Variants in KAT14 observed in about 807,000 individuals in gnomAD.
KAT14 encodes cysteine-rich protein 2-binding protein.
KAT14 carries 66 observed loss-of-function variants against 78.4 expected under a neutral mutation model. The observed-to-expected ratio is 0.84, with a 90% CI of 0.69 to 1.03. The LOEUF is 1.03. Among genes scored for constraint, KAT14 ranks in the 50% least tolerant of loss-of-function variants. KAT14 has a pLI of 0.00. For missense variants in KAT14, 870 were observed against 972.5 expected (o/e 0.89, Z 1.40); for synonymous variants, 344 against 359.4 (o/e 0.96, Z 0.48).
intron 10 of KAT14, among the ~76,000 whole-genome samples, chr20:18,186,497 T>C (rs1343072492): frequency 6.6e-6 from 1 of 152,206 alleles, no homozygotes; most frequent in Admixed American, 6.5e-5. Context: ...AGAGGAGTTC[T>C]TAGAGGCCTG....
chr20:18,184,828 C>T, intron 10 of KAT14, 36 bp downstream of exon 10: 1 of 1,565,112 alleles, frequency 6.4e-7, no homozygotes, highest in Non-Finnish European at 8.6e-7. Flanking sequence ...TCACCTGTGT[C>T]TGGGCTCCCC....
intron 4 of KAT14, among the ~76,000 whole-genome samples, chr20:18,152,970 T>C (rs2038103091): frequency 6.6e-6 from 1 of 152,208 alleles, no homozygotes; most frequent in South Asian, 2.1e-4. Flanking sequence ...CTTTTATTGC[T>C]CTTGGGTACT....
chr20:18,171,752 CAGTT>C (rs1160861058), intron 7 of KAT14, among the ~76,000 whole-genome samples: 5 of 152,150 alleles, frequency 3.3e-5, no homozygotes, highest in Non-Finnish European at 7.3e-5. Context: ...GTGGAGGTCT[CAGTT>C]AGCTGAGATC....
In KAT14 at chr20:18,142,588, G is replaced by A. The variant is rs1237796871; in HGVS notation, c.-73G>A. The A allele has an allele frequency of 2.5e-6, 4 of 1,584,270 alleles. No homozygotes were observed. The highest frequency in any genetic ancestry group is 2.7e-5 in the African/African-American group (2 of 74,392). On this transcript the variant is annotated 5_prime_UTR_variant, in exon 2 of 11. Coordinates refer to ENST00000688188, the MANE Select transcript of KAT14 (RefSeq NM_001392073.1). ...GTCTGTCTGGGTGATCCTGGTAGAA[G>A]CCCCATTAGGGTCACTGTCCAGTGC...
At chr20:18,146,670 A>AACG (rs2037839493) in intron 3 of KAT14, among the ~76,000 whole-genome samples, 1 of 151,472 alleles carries the variant, frequency 6.6e-6, no homozygotes, top group Non-Finnish European at 1.5e-5. Flanking sequence ...AAAAAAAACC[A>AACG]AAAAAACAAA....
intron 7 of KAT14, among the ~76,000 whole-genome samples, chr20:18,178,957 A>G (rs138252712): frequency 6.6e-6 from 1 of 152,334 alleles, no homozygotes; most frequent in East Asian, 1.9e-4. Context: ...GTGAGGGTAC[A>G]GGTATTGGGT....
chr20:18,160,229 T>A (rs1242557570), intron 5 of KAT14, among the ~76,000 whole-genome samples: 1 of 152,122 alleles, frequency 6.6e-6, no homozygotes, highest in African/African-American at 2.4e-5. Flanking sequence ...AAAAATATGA[T>A]TGGGAAGAAA....
intron 1 of KAT14, chr20:18,138,373 G>C (rs1036531041): frequency 2.8e-6 from 3 of 1,064,798 alleles, no homozygotes; most frequent in East Asian, 6.3e-5. Context: ...CAGTGGCTCT[G>C]TTTTCAAGTC....
chr20:18,150,689 C>T, intron 3 of KAT14, 132 bp from the exon 4 acceptor site: 1 of 1,404,332 alleles, frequency 7.1e-7, no homozygotes, highest in Non-Finnish European at 9.7e-7. Flanking sequence ...TTCCAAGATA[C>T]CGTCCGTCCT....
At chr20:18,143,643 T>TTTTTTTTG (rs1421476027) in intron 2 of KAT14, among the ~76,000 whole-genome samples, 1 of 149,884 alleles carries the variant, frequency 6.7e-6, no homozygotes, top group Non-Finnish European at 1.5e-5. Flanking sequence ...TTTTTTTTTT[T>TTTTTTTTG]TGAGACGGAG....
intron 7 of KAT14, among the ~76,000 whole-genome samples, chr20:18,164,298 C>T (rs892801691): frequency 6.6e-6 from 1 of 152,210 alleles, no homozygotes; most frequent in African/African-American, 2.4e-5. Context: ...CCTTGGCTTC[C>T]TGTGTCCAGA....
chr20:18,137,917 G>C lies in KAT14; in HGVS notation c.-588G>C. The C allele has an allele frequency of 6.8e-7, 1 of 1,463,182 alleles. No homozygotes were observed. Among genetic ancestry groups the C allele is most frequent in the Non-Finnish European group, 9.0e-7 (1 of 1,114,480 alleles). The allele number at this position is 1,463,182 out of a possible 1,614,324, so 90.6% of individuals were successfully genotyped here. On this transcript the variant is annotated 5_prime_UTR_variant, in exon 1 of 11. Coordinates refer to ENST00000688188, the MANE Select transcript of KAT14 (RefSeq NM_001392073.1). ...ACTCTGCGGCGGCCTCTGCGCCTCG[G>C]GCGGGCGGGAGAGAGAGGCCGCGGC...
Position 18,162,041 on chromosome 20 carries a change from G to A in KAT14, c.901G>A (p.Val301Met), listed in dbSNP as rs777795553. 8.1e-6 allele frequency: 13 copies of A among 1,614,130 alleles called. No individual in the cohort carries two copies. Among genetic ancestry groups the A allele is most frequent in the South Asian group, 5.5e-5 (5 of 91,088 alleles). The change falls in exon 6 of 11, where the codon GTG (valine) becomes ATG (methionine). Residue 301 changes from valine (V) to methionine (M), a missense_variant. Transcript: ENST00000688188. ...KFISRGRRPD[V>M]ILEKGEVIDF... The stretch of plus-strand genomic sequence containing the variant: ...CATAAGCCGAGGCCGCAGGCCAGAT[G>A]TGATTCTGGAAAAAGGCGAAGTGAT...
At chr20:18,166,212 T>C (rs1403011942) in intron 7 of KAT14, among the ~76,000 whole-genome samples, 1 of 152,162 alleles carries the variant, frequency 6.6e-6, no homozygotes, top group Non-Finnish European at 1.5e-5. Context: ...AAAGCAGACA[T>C]ATTTATCCCT....
At chr20:18,182,078 C>G (rs1193636953) in intron 8 of KAT14, among the ~76,000 whole-genome samples, 1 of 152,048 alleles carries the variant, frequency 6.6e-6, no homozygotes, top group East Asian at 1.9e-4. Flanking sequence ...AATAAATTAA[C>G]TGAAAGATTG....
Position 18,138,026 on chromosome 20 carries a change from A to C in KAT14, c.-479A>C, listed in dbSNP as rs1365899967. 4.0e-6 allele frequency: 6 copies of C among 1,493,524 alleles called. No individual in the cohort carries two copies. Among genetic ancestry groups the C allele is most frequent in the Non-Finnish European group, 1.8e-6 (2 of 1,128,236 alleles). 92.5% of individuals were successfully genotyped at this position (1,493,524 alleles called of 1,614,324 possible). On this transcript the variant is annotated 5_prime_UTR_variant, in exon 1 of 11. It removes an upstream start codon present in the reference 5' UTR. Coordinates refer to ENST00000688188, the MANE Select transcript of KAT14 (RefSeq NM_001392073.1). ...ACGGCGGCCACAGTGGCCGGCGTAC[A>C]TGTGAAGCAGCAGTGGGACCAGCAG...
In KAT14 at chr20:18,171,152, A is replaced by G. The variant is rs534787270; in HGVS notation, c.1668+8207A>G. 3.9e-5 allele frequency among the ~76,000 whole-genome samples: 6 copies of G among 152,348 alleles called. No individual in the cohort carries two copies. The South Asian group carries it at 8.3e-4, about 21-fold the overall frequency. ...ATTCATGGGAGGAATCAAAATTTCA[A>G]CATTTACAGGAGTTTGGAAGAAGTT... On this transcript the variant is annotated intron_variant, in intron 7 of 10. Coordinates refer to ENST00000688188, the MANE Select transcript of KAT14 (RefSeq NM_001392073.1).
At chr20:18,148,576 T>G (rs1417600112) in intron 3 of KAT14, among the ~76,000 whole-genome samples, 1 of 151,998 alleles carries the variant, frequency 6.6e-6, no homozygotes, top group African/African-American at 2.4e-5. Context: ...TCTGGTAACA[T>G]GAGAGCAGAA....
At chr20:18,186,689 A>G (rs2146551102) in intron 10 of KAT14, among the ~76,000 whole-genome samples, 1 of 152,308 alleles carries the variant, frequency 6.6e-6, no homozygotes, top group South Asian at 2.1e-4. Context: ...TTCCCCTAAG[A>G]TTAGGTCAAA....
Sources: allele counts gnomAD v4.1 joint callset (sites outside exome capture counted in the v4.1 genomes callset), GRCh38; gene constraint gnomAD v4.1.1; transcripts MANE v1.5; gene names NCBI Gene and HGNC (gene_info 2026-07-23, HGNC 2026-07-21).